Variants in NOVA2 observed in about 807,000 individuals in gnomAD.
NOVA2 encodes the protein NOVA alternative splicing regulator 2.
A neutral mutation model predicts 22.5 loss-of-function variants in NOVA2; 9 were observed. The observed-to-expected ratio is 0.40, with a 90% CI of 0.24 to 0.70. The LOEUF (loss-of-function observed/expected upper bound fraction) is 0.70. NOVA2 is among the 30% of genes least tolerant of loss of function. The pLI is 0.38. For synonymous variants in NOVA2, 318 were observed against 335.2 expected (o/e 0.95, Z 0.56); for missense variants, 383 against 682.8 (o/e 0.56, Z 4.89).
At chr19:45,958,909 G>C (rs1968054561) in intron 2 of NOVA2, among the ~76,000 whole-genome samples, 1 of 152,120 alleles carries the variant, frequency 6.6e-6, no homozygotes, top group African/African-American at 2.4e-5. Context: ...GGTCCTTTGT[G>C]CCACTTGGGC....
At position 45,973,346 on chromosome 19, in the gene NOVA2, C is replaced by A; in HGVS notation, c.6G>T (p.Glu2Asp). ...TCTTGCGGGAATCCGGGGCCTCGGG[C>A]TCCATGGGGGGGGCCTGGGGCGGCG... Reference protein sequence around the residue: MEPEAPDSRKRP... With the variant: MDPEAPDSRKRP... Residue 2 changes from glutamate to aspartate, a missense_variant, in exon 1 of 4, where the codon GAG becomes GAT. Glu to Asp is a conservative substitution (Grantham distance 45). Coordinates refer to ENST00000263257, the MANE Select transcript of NOVA2 (RefSeq NM_002516.4). 1.7e-6 allele frequency: 2 copies of A among 1,191,490 alleles called. No individual in the cohort carries two copies. Among genetic ancestry groups the A allele is most frequent in the South Asian group, 3.4e-5 (1 of 29,256 alleles). 73.8% of individuals were successfully genotyped at this position (1,191,490 alleles called of 1,614,324 possible).
chr19:45,972,940 G>A lies in NOVA2; in HGVS notation c.85+327C>T, dbSNP rs536822285. Among the ~76,000 whole-genome samples, 3 of 151,792 alleles carry A rather than the reference G, an allele frequency of 2.0e-5. No individual in the cohort carries two copies. The South Asian group carries it at 6.2e-4, about 32-fold the overall frequency. ...CGAGCTCGGGGAACACCCCTGCTCC[G>A]AAAGGGTCACATCACACACCCCTCA... is the stretch of plus-strand genomic sequence containing the variant. On this transcript the variant is annotated intron_variant, in intron 1 of 3. Transcript: ENST00000263257.
chr19:45,951,426 G>A (rs1328626148), intron 3 of NOVA2, among the ~76,000 whole-genome samples: 1 of 152,120 alleles, frequency 6.6e-6, no homozygotes, highest in Non-Finnish European at 1.5e-5. Flanking sequence ...AGACTGGCCT[G>A]GCCAACATGG....
At position 45,953,914 on chromosome 19, in the gene NOVA2, T is replaced by A. The variant is rs768877120; in HGVS notation, c.262A>T (p.Thr88Ser). 78 of 1,614,064 alleles carry A rather than the reference T, an allele frequency of 4.8e-5. No individual in the cohort carries two copies. The highest frequency in any genetic ancestry group is 6.6e-5 in the Non-Finnish European group (78 of 1,180,042). The change falls in exon 3 of 4, where the codon ACG (threonine) becomes TCG (serine). Residue 88 changes from threonine (T) to serine (S), a missense_variant. Physicochemically the swap from Thr to Ser is moderately conservative, Grantham distance 58. Transcript: ENST00000263257. ...TTERVCLVQG[T>S]AEALNAVHSF... ...TGCACAGCATTCAAGGCCTCTGCCG[T>A]GCCCTGTACTAGGCATACCCGCTCT... is the stretch of plus-strand genomic sequence containing the variant.
intron 3 of NOVA2, among the ~76,000 whole-genome samples, chr19:45,952,232 T>C (rs1967937012): frequency 6.6e-6 from 1 of 152,212 alleles, no homozygotes; most frequent in Non-Finnish European, 1.5e-5. Flanking sequence ...ACATAAGCTA[T>C]GTGCTTTTCA....
At chr19:45,952,504 T>C (rs1967941118) in intron 3 of NOVA2, among the ~76,000 whole-genome samples, 1 of 152,212 alleles carries the variant, frequency 6.6e-6, no homozygotes, top group South Asian at 2.1e-4. Flanking sequence ...CTCCACTGTC[T>C]CAGAGCTCCT....
intron 2 of NOVA2, among the ~76,000 whole-genome samples, chr19:45,956,081 C>T (rs1568667833): frequency 6.6e-6 from 1 of 152,144 alleles, no homozygotes; most frequent in Non-Finnish European, 1.5e-5. Context: ...CTGTGGGTCA[C>T]TTGTGTAGCT....
intron 1 of NOVA2, among the ~76,000 whole-genome samples, chr19:45,968,773 G>A (rs1269761506): frequency 6.6e-6 from 1 of 152,018 alleles, no homozygotes; most frequent in Non-Finnish European, 1.5e-5. Context: ...CTCGCCTGAG[G>A]ATTCCACACC....
At chr19:45,955,885 C>A (rs1019727928) in intron 2 of NOVA2, among the ~76,000 whole-genome samples, 2 of 151,712 alleles carry the variant, frequency 1.3e-5, no homozygotes. Flanking sequence ...AGAAAAAAAA[C>A]AAAAAGTGTC....
At position 45,940,034 on chromosome 19, in the gene NOVA2, C is replaced by T; in HGVS notation, c.1308G>A (p.Thr436=). The T allele has an allele frequency of 6.2e-7, 1 of 1,614,042 alleles. No homozygotes were observed. Among genetic ancestry groups the T allele is most frequent in the Non-Finnish European group, 8.5e-7 (1 of 1,179,956 alleles). ...TCTTGGAGATCTGGATGCGAGCGCC[C>T]GTCAGCTCCTGGTACTCCACCAACG... ...GKTLVEYQEL[T]GARIQISKKG... Residue 436 remains threonine (T), a synonymous_variant, in exon 4 of 4, where the codon ACG becomes ACA. Transcript: ENST00000263257.
intron 1 of NOVA2, among the ~76,000 whole-genome samples, chr19:45,972,521 C>CA (rs1302704217): frequency 6.6e-6 from 1 of 152,138 alleles, no homozygotes; most frequent in Non-Finnish European, 1.5e-5. Context: ...TTGGGGGTGA[C>CA]AAGCACACAC....
At chr19:45,941,431 G>C (rs1416689231) in intron 3 of NOVA2, among the ~76,000 whole-genome samples, 1 of 151,982 alleles carries the variant, frequency 6.6e-6, no homozygotes, top group Non-Finnish European at 1.5e-5. Context: ...GCCTCCTAAA[G>C]TGTTGGAATT....
At position 45,933,931 on chromosome 19, in the gene NOVA2, G is replaced by A. The variant is rs1286667811; in HGVS notation, c.*5932C>T. On this transcript the variant is annotated 3_prime_UTR_variant, in exon 4 of 4. Coordinates refer to ENST00000263257, the MANE Select transcript of NOVA2 (RefSeq NM_002516.4). ...GGCATGGCAATGTGGGGAGTGGGAG[G>A]AGACGGCAGTGCACCCCAGCCAGGA... 3 of 152,598 alleles carry A rather than the reference G, an allele frequency of 2.0e-5. No homozygotes were observed. The highest frequency in any genetic ancestry group is 2.9e-5 in the Non-Finnish European group (2 of 68,460). The allele number at this position is 152,598 out of a possible 1,614,324, so 9.5% of individuals were successfully genotyped here.
chr19:45,949,912 T>C (rs1359629216), intron 3 of NOVA2, among the ~76,000 whole-genome samples: 1 of 151,998 alleles, frequency 6.6e-6, no homozygotes, highest in East Asian at 1.9e-4. Flanking sequence ...GGCTGATTTT[T>C]GTATTTTTAG....
At position 45,939,024 on chromosome 19, in the gene NOVA2, C is replaced by T. The variant is rs1295163542; in HGVS notation, c.*839G>A. On this transcript the variant is annotated 3_prime_UTR_variant, in exon 4 of 4. Coordinates refer to ENST00000263257, the MANE Select transcript of NOVA2 (RefSeq NM_002516.4). ...ACATCATAAGGGGTGCCCAGAAGCA[C>T]CCCAGAAAGTACTCAGTGACATCAC... The T allele has an allele frequency of 1.3e-5, 2 of 152,210 alleles. No homozygotes were observed. The highest frequency in any genetic ancestry group is 4.8e-5 in the African/African-American group (2 of 41,442). The allele number at this position is 152,210 out of a possible 1,614,324, so 9.4% of individuals were successfully genotyped here.
chr19:45,954,039 A>G (rs1380478688), intron 2 of NOVA2, 93 bp from the exon 3 acceptor site: 1 of 1,402,260 alleles, frequency 7.1e-7, no homozygotes, highest in South Asian at 1.3e-5. Context: ...AGGCAAGCTG[A>G]GGTCCAGAGA....
At chr19:45,944,545 A>G (rs1459717432) in intron 3 of NOVA2, among the ~76,000 whole-genome samples, 2 of 152,246 alleles carry the variant, frequency 1.3e-5, no homozygotes, top group African/African-American at 4.8e-5. Flanking sequence ...TCTTTATTTA[A>G]AAAAGTCTCG....
Position 45,973,334 on chromosome 19 carries a change from C to T in NOVA2, c.18G>A (p.Pro6=). MEPEA[P]DSRKRPLETP... ...TTTCGAGGGGCCTCTTGCGGGAATC[C>T]GGGGCCTCGGGCTCCATGGGGGGGG... The change falls in exon 1 of 4, where the codon CCG becomes CCA. Residue 6 remains proline, a synonymous_variant. Transcript: ENST00000263257. 1 of 1,264,364 alleles carries T rather than the reference C, an allele frequency of 7.9e-7. No individual in the cohort carries two copies. Among genetic ancestry groups the T allele is most frequent in the African/African-American group, 1.6e-5 (1 of 63,612 alleles). 78.3% of individuals were successfully genotyped at this position (1,264,364 alleles called of 1,614,324 possible).
intron 1 of NOVA2, among the ~76,000 whole-genome samples, chr19:45,964,561 A>ATCTCTCTCTCTC (rs141748431): frequency 0.24 from 33,515 of 136,836 alleles, 4,552 homozygotes; most frequent in South Asian, 0.34. Flanking sequence ...ACACTCTCTG[A>ATCTCTCTCTCTC]TCTCTCTCTC....
Sources: allele counts gnomAD v4.1 joint callset (sites outside exome capture counted in the v4.1 genomes callset), GRCh38; gene constraint gnomAD v4.1.1; transcripts MANE v1.5; gene names NCBI Gene and HGNC (gene_info 2026-07-23, HGNC 2026-07-21).